The following DACH2 variants were observed in gnomAD, a reference collection of about 807,000 sequenced individuals.
DACH2 encodes dachshund homolog 2.
Under a neutral mutation model 35.8 loss-of-function variants are expected in DACH2, and 17 were observed. That is an observed-to-expected ratio of 0.48 (90% confidence interval 0.33 to 0.71). The LOEUF (loss-of-function observed/expected upper bound fraction) is 0.71, where lower values mean the gene tolerates loss of function less well. Ranked by LOEUF, DACH2 falls within the 30% of genes least tolerant of loss-of-function variation. DACH2 has a pLI of 0.02. For synonymous variants in DACH2, 195 were observed against 177.3 expected (o/e 1.10, Z -0.79); for missense variants, 469 against 472.7 (o/e 0.99, Z 0.07).
At chrX:86,777,305 G>A (rs199505488) in intron 7 of DACH2, among the ~76,000 whole-genome samples, 1 of 110,857 alleles carries the variant, frequency 9.0e-6, no homozygotes, top group Non-Finnish European at 1.9e-5. Context: ...GGTATCTCAT[G>A]GTGGTTTTGA....
At chrX:86,411,167 G>T (rs932301681) in intron 2 of DACH2, among the ~76,000 whole-genome samples, 1 of 105,053 alleles carries the variant, frequency 9.5e-6, no homozygotes, top group African/African-American at 3.5e-5. Flanking sequence ...CTTGGAGTCC[G>T]ATGTTCGAGG....
intron 11 of DACH2, among the ~76,000 whole-genome samples, chrX:86,818,385 T>G (rs1398696360): frequency 9.0e-6 from 1 of 111,308 alleles, no homozygotes; most frequent in Non-Finnish European, 1.9e-5. Flanking sequence ...ATCAGTCAGG[T>G]CAAATAATTA....
intron 2 of DACH2, among the ~76,000 whole-genome samples, chrX:86,473,477 T>A (rs942085148): frequency 4.5e-5 from 5 of 111,304 alleles, no homozygotes; most frequent in Non-Finnish European, 5.7e-5. Flanking sequence ...TACTGTATTT[T>A]TATACCCATT....
At chrX:86,267,247 T>A (rs1457584927) in intron 1 of DACH2, among the ~76,000 whole-genome samples, 1 of 108,166 alleles carries the variant, frequency 9.2e-6, no homozygotes, top group Non-Finnish European at 1.9e-5. Flanking sequence ...TCAGTGAGCA[T>A]AACCTTATTT....
chrX:86,741,316 A>G (rs948534431), intron 7 of DACH2, among the ~76,000 whole-genome samples: 10 of 111,574 alleles, frequency 9.0e-5, no homozygotes, highest in African/African-American at 3.3e-4. Context: ...CATAGTGAGC[A>G]TAGCAGTTCT....
intron 11 of DACH2, chrX:86,830,486 G>A (rs2042602125): frequency 9.0e-6 from 1 of 111,468 alleles, no homozygotes; most frequent in Non-Finnish European, 1.9e-5. Flanking sequence ...GAGCAGCTAT[G>A]GGAACTATTC....
chrX:86,490,308 C>T (rs995417501), intron 2 of DACH2, among the ~76,000 whole-genome samples: 1 of 111,422 alleles, frequency 9.0e-6, no homozygotes, highest in East Asian at 2.8e-4. Flanking sequence ...TTTTGCATGT[C>T]TCATTGTGAA....
chrX:86,689,234 G>T (rs2040982252), intron 4 of DACH2, among the ~76,000 whole-genome samples: 1 of 108,307 alleles, frequency 9.2e-6, no homozygotes, highest in South Asian at 3.9e-4. Context: ...TCACCGGTCT[G>T]ATAAACTGCT....
chrX:86,360,699 ATCATC>A (rs2035725161), intron 1 of DACH2, among the ~76,000 whole-genome samples: 1 of 27,298 alleles, frequency 3.7e-5, no homozygotes, highest in Non-Finnish European at 8.2e-5. Context: ...ATCTATCTTT[ATCATC>A]TCTTTGATAG....
intron 1 of DACH2, among the ~76,000 whole-genome samples, chrX:86,275,768 T>C (rs1158374015): frequency 1.8e-5 from 2 of 111,894 alleles, no homozygotes; most frequent in African/African-American, 3.2e-5. Context: ...CAATTGTTTT[T>C]ATTTTTAGAT....
At chrX:86,207,728 T>G (rs1238780776) in intron 1 of DACH2, among the ~76,000 whole-genome samples, 1 of 111,080 alleles carries the variant, frequency 9.0e-6, no homozygotes, top group Admixed American at 9.7e-5. Context: ...AATTTGGTGT[T>G]GCTAATGTGA....
intron 3 of DACH2, among the ~76,000 whole-genome samples, chrX:86,585,039 TC>T (rs1394948696): frequency 9.0e-6 from 1 of 111,490 alleles, no homozygotes; most frequent in East Asian, 2.8e-4. Context: ...ATTTTCTTAA[TC>T]CAACCCACTG....
intron 3 of DACH2, among the ~76,000 whole-genome samples, chrX:86,574,273 C>G (rs1334497218): frequency 9.0e-6 from 1 of 110,929 alleles, no homozygotes; most frequent in Non-Finnish European, 1.9e-5. Context: ...CAGCTCTGTT[C>G]AAAGCAGGTC....
intron 3 of DACH2, among the ~76,000 whole-genome samples, chrX:86,585,799 T>C (rs1480886050): frequency 1.8e-5 from 2 of 111,665 alleles, no homozygotes; most frequent in Non-Finnish European, 3.8e-5. Flanking sequence ...ACACTTTCAT[T>C]ATTCAATTTG....
chrX:86,743,375 GT>G (rs1472868552), intron 7 of DACH2, among the ~76,000 whole-genome samples: 1 of 111,299 alleles, frequency 9.0e-6, no homozygotes, highest in Non-Finnish European at 1.9e-5. Context: ...GTACAACTTT[GT>G]TTGTAAGGCT....
chrX:86,634,682 C>T (rs2040241441), intron 3 of DACH2, among the ~76,000 whole-genome samples: 1 of 111,250 alleles, frequency 9.0e-6, no homozygotes, highest in African/African-American at 3.3e-5. Flanking sequence ...AAATTAATCC[C>T]ATTTATAATA....
At chrX:86,785,822 C>G (rs1200249609) in intron 7 of DACH2, among the ~76,000 whole-genome samples, 1 of 111,122 alleles carries the variant, frequency 9.0e-6, no homozygotes, top group Non-Finnish European at 1.9e-5. Context: ...ACATATATGC[C>G]ATGTATGTTT....
chrX:86,375,742 A>AT (rs1198794758), intron 1 of DACH2, among the ~76,000 whole-genome samples: 1 of 108,546 alleles, frequency 9.2e-6, no homozygotes, highest in Non-Finnish European at 1.9e-5. Flanking sequence ...ATATATTTTC[A>AT]TTTTTTTTAG....
intron 3 of DACH2, among the ~76,000 whole-genome samples, chrX:86,587,450 T>C (rs917298261): frequency 9.0e-6 from 1 of 111,493 alleles, no homozygotes; most frequent in Non-Finnish European, 1.9e-5. Flanking sequence ...CAGTACTATG[T>C]TGAACACGGG....
Sources: allele counts gnomAD v4.1 joint callset (sites outside exome capture counted in the v4.1 genomes callset), GRCh38; gene constraint gnomAD v4.1.1; transcripts MANE v1.5; gene names NCBI Gene and HGNC (gene_info 2026-07-23, HGNC 2026-07-21).